Variants in ACACB observed in about 807,000 individuals in gnomAD.
ACACB encodes the protein acetyl-CoA carboxylase beta.
A neutral mutation model predicts 278.8 loss-of-function variants in ACACB; 209 were observed. The ratio of observed to expected loss-of-function variants is 0.75; its 90% CI spans 0.67 to 0.84. ACACB has a LOEUF of 0.84. Among genes scored for constraint, ACACB ranks in the 40% least tolerant of loss-of-function variants. The pLI is 0.00. For synonymous variants in ACACB, 1,174 were observed against 1,285.6 expected (o/e 0.91, Z 1.86); for missense variants, 2,850 against 3,269.0 (o/e 0.87, Z 3.13).
At chr12:109,182,415 A>C (rs774579226) in intron 11 of ACACB, among the ~76,000 whole-genome samples, 46 of 152,126 alleles carry the variant, frequency 3.0e-4, no homozygotes, top group Non-Finnish European at 6.6e-4. Flanking sequence ...TTGCCCAGGC[A>C]GGAATGCAGT....
chr12:109,175,931 G>A lies in ACACB; in HGVS notation c.1217G>A (p.Gly406Asp). 2 of 1,613,868 alleles carry A rather than the reference G, an allele frequency of 1.2e-6. No individual in the cohort carries two copies. Among genetic ancestry groups the A allele is most frequent in the Non-Finnish European group, 1.7e-6 (2 of 1,179,788 alleles). The change falls in exon 8 of 53, where the codon GGC becomes GAC. Residue 406 changes from glycine to aspartate, a missense_variant and splice_region_variant. Gly to Asp is a moderately conservative substitution (Grantham distance 94, BLOSUM62 -1). This residue lies in a region of ACACB where 2,265 missense variants were observed against 2,561.3 expected (regional missense o/e 0.88). Transcript: ENST00000338432. ...QVPTLPWSGS[G>D]LTVEWTEDDL... ...ATCAGGTTTCTTTGTGACTCTCCAGGCCTGACAGTGGAGTGGACAGAAGAT... is the reference window on the plus strand; with the variant it reads ...ATCAGGTTTCTTTGTGACTCTCCAGACCTGACAGTGGAGTGGACAGAAGAT...
intron 26 of ACACB, among the ~76,000 whole-genome samples, chr12:109,223,364 G>A (rs965069860): frequency 1.3e-5 from 2 of 152,114 alleles, no homozygotes; most frequent in Admixed American, 1.3e-4. Context: ...TTAAATAGGG[G>A]AGGAGCCCAG....
At chr12:109,256,773 C>T (rs964008432) in intron 45 of ACACB, among the ~76,000 whole-genome samples, 1 of 152,192 alleles carries the variant, frequency 6.6e-6, no homozygotes, top group African/African-American at 2.4e-5. Flanking sequence ...AGCTATAAGT[C>T]CAGGCTCTGC....
In ACACB at chr12:109,232,675, C is replaced by G; in HGVS notation, c.4008C>G (p.Thr1336=). 6.2e-7 allele frequency: 1 copy of G among 1,613,768 alleles called. No homozygotes were observed. ...ACTTGCCATCACCTTACAGGATGAC[C>G]GTGCCCATCAGCATCACCAACCCTG... The part of the protein sequence containing the change: ...MLPSSHPNRM[T]VPISITNPDL... The change falls in exon 29 of 53, where the codon ACC becomes ACG. Residue 1336 remains threonine (T), a synonymous_variant. Transcript: ENST00000338432.
chr12:109,179,779 C>G (rs1192219745), intron 10 of ACACB, 138 bp from the exon 11 acceptor site: 1 of 1,008,726 alleles, frequency 9.9e-7, no homozygotes, highest in Non-Finnish European at 1.4e-6. Context: ...GCATGAGCCA[C>G]CACACCTGGC....
intron 19 of ACACB, 88 bp from the exon 20 acceptor site, chr12:109,206,622 G>C: frequency 6.7e-7 from 1 of 1,488,390 alleles, no homozygotes; most frequent in Non-Finnish European, 9.2e-7. Context: ...ACGGAAGCCG[G>C]CAGATCTGTC....
intron 35 of ACACB, 45 bp from the exon 36 acceptor site, chr12:109,241,033 G>C: frequency 6.3e-7 from 1 of 1,591,388 alleles, no homozygotes; most frequent in Non-Finnish European, 8.6e-7. Flanking sequence ...AAATGTCCTT[G>C]GGATGTCTTG....
intron 10 of ACACB, 31 bp downstream of exon 10, chr12:109,179,328 C>A: frequency 6.3e-7 from 1 of 1,598,846 alleles, no homozygotes; most frequent in South Asian, 1.1e-5. Context: ...GGGGCAGCTT[C>A]AGAGAGAGCC....
In ACACB at chr12:109,254,196, C is replaced by T. The variant is rs749144389; in HGVS notation, c.6046-18C>T. Reference sequence around the variant, plus strand: ...CAAGCACCACAGACTAAGTCAGAGACTTGGCTTTCTTTTTTAGGATAATCA... The same window carrying T: ...CAAGCACCACAGACTAAGTCAGAGATTTGGCTTTCTTTTTTAGGATAATCA... On this transcript the variant is annotated intron_variant, in intron 43 of 52. Transcript: ENST00000338432. 1.2e-6 allele frequency: 2 copies of T among 1,613,364 alleles called. No individual in the cohort carries two copies. Among genetic ancestry groups the T allele is most frequent in the Non-Finnish European group, 1.7e-6 (2 of 1,179,552 alleles).
intron 7 of ACACB, among the ~76,000 whole-genome samples, chr12:109,174,900 T>C (rs1351221849): frequency 1.3e-5 from 2 of 152,062 alleles, no homozygotes; most frequent in Non-Finnish European, 2.9e-5. Flanking sequence ...CATTTCCTAG[T>C]TTGTGACTTT....
intron 2 of ACACB, 44 bp from the exon 3 acceptor site, chr12:109,166,817 G>A: frequency 6.2e-7 from 1 of 1,613,436 alleles, no homozygotes; most frequent in Non-Finnish European, 8.5e-7. Flanking sequence ...TGAGTCCCAG[G>A]CTTCTTCCCT....
At chr12:109,232,366 TCTC>T (rs2046497387) in intron 28 of ACACB, among the ~76,000 whole-genome samples, 1 of 152,108 alleles carries the variant, frequency 6.6e-6, no homozygotes, top group Admixed American at 6.5e-5. Flanking sequence ...GAGTGTTTCT[TCTC>T]TGTGGTCAAG....
chr12:109,130,135 C>G (rs1290103872), intron 1 of ACACB, among the ~76,000 whole-genome samples: 3 of 152,146 alleles, frequency 2.0e-5, no homozygotes, highest in African/African-American at 7.2e-5. Flanking sequence ...GTGGCTCACA[C>G]TGCCCATGGT....
intron 21 of ACACB, among the ~76,000 whole-genome samples, chr12:109,209,964 TATACACAC>T (rs1334402164): frequency 8.8e-6 from 1 of 113,700 alleles, no homozygotes; most frequent in Non-Finnish European, 1.8e-5. Context: ...TATATATGTG[TATACACAC>T]ATACACACAC....
At chr12:109,235,751 A>C in intron 33 of ACACB, 104 bp downstream of exon 33, 1 of 1,049,988 alleles carries the variant, frequency 9.5e-7, no homozygotes, top group Non-Finnish European at 1.4e-6. Flanking sequence ...TAATCCTAGC[A>C]CTTTGGGAGG....
At chr12:109,187,607 G>A (rs2044709010) in intron 12 of ACACB, among the ~76,000 whole-genome samples, 1 of 151,788 alleles carries the variant, frequency 6.6e-6, no homozygotes, top group South Asian at 2.1e-4. Flanking sequence ...CTACAGGTGT[G>A]TGCCACCACA....
At chr12:109,258,185 G>C (rs952368899) in intron 45 of ACACB, 83 bp from the exon 46 acceptor site, 4 of 920,716 alleles carry the variant, frequency 4.3e-6, no homozygotes, top group East Asian at 5.4e-5. Flanking sequence ...TCTCCTCCAC[G>C]TGCCCTCACC....
chr12:109,160,885 T>C (rs1336760909), intron 2 of ACACB, among the ~76,000 whole-genome samples: 1 of 152,186 alleles, frequency 6.6e-6, no homozygotes, highest in African/African-American at 2.4e-5. Context: ...TGGCCAAGAA[T>C]GGTTTTTTTG....
rs71443838 is a variant in ACACB, at chr12:109,133,836, C to CATATATATATAT, written c.-9-5544_-9-5533dup. 2.0e-3 allele frequency among the ~76,000 whole-genome samples: 90 copies of CATATATATATAT among 44,530 alleles called. 1 individual carries two copies. Among genetic ancestry groups the CATATATATATAT allele is most frequent in the African/African-American group, 3.3e-3 (22 of 6,696 alleles). 29.2% of individuals were successfully genotyped at this position (44,530 alleles called of 152,430 possible). On this transcript the variant is annotated intron_variant, in intron 1 of 52. Transcript: ENST00000338432. Reference sequence around the variant, plus strand: ...CATTGGTTGGTGCTCAATGTGTGTGCATATATATATATATATATATATATA... The same window carrying CATATATATATAT: ...CATTGGTTGGTGCTCAATGTGTGTGCATATATATATATATATATATATATATATATATATATA...
Sources: gnomAD v4.1 joint callset for allele counts (sites outside exome capture counted in the v4.1 genomes callset) on GRCh38, gnomAD v4.1.1 for gene constraint, gnomAD v4.1.1 regional missense constraint, MANE v1.5 for transcripts, NCBI Gene and HGNC (gene_info 2026-07-23, HGNC 2026-07-21) for gene names.